The following IFT74 variants were observed in gnomAD, a reference collection of about 807,000 sequenced individuals.
IFT74 encodes the protein intraflagellar transport protein 74 homolog.
A neutral mutation model predicts 96.7 loss-of-function variants in IFT74; 92 were observed. The ratio of observed to expected loss-of-function variants is 0.95; its 90% CI spans 0.80 to 1.13. The LOEUF is 1.13. Among genes scored for constraint, IFT74 ranks in the 50% most tolerant of loss-of-function variants. The pLI, the probability that IFT74 is intolerant of heterozygous loss-of-function variation, is 0.00. For synonymous variants in IFT74, 223 were observed against 213.2 expected (o/e 1.05, Z -0.40); for missense variants, 811 against 698.2 (o/e 1.16, Z -1.82).
chr9:26,957,661 A>C (rs1238978349), intron 1 of IFT74, among the ~76,000 whole-genome samples: 1 of 152,214 alleles, frequency 6.6e-6, no homozygotes, highest in Admixed American at 6.5e-5. Context: ...TGGAGTTATA[A>C]AGATGCATGA....
At chr9:27,053,981 T>A (rs1820047458) in intron 16 of IFT74, among the ~76,000 whole-genome samples, 1 of 152,222 alleles carries the variant, frequency 6.6e-6, no homozygotes, top group Non-Finnish European at 1.5e-5. Flanking sequence ...ATATACATAT[T>A]TGTATTTACG....
chr9:27,007,653 A>C (rs1431365713), intron 8 of IFT74, among the ~76,000 whole-genome samples: 3 of 152,164 alleles, frequency 2.0e-5, no homozygotes, highest in Admixed American at 6.5e-5. Context: ...TTCTGAGTTT[A>C]GGTTGTTTAT....
chr9:26,947,712 A>G (rs1055349542), intron 1 of IFT74, among the ~76,000 whole-genome samples: 5 of 152,210 alleles, frequency 3.3e-5, no homozygotes, highest in Admixed American at 1.3e-4. Flanking sequence ...CAAATTGGGA[A>G]CTATTAATCA....
In IFT74 at chr9:26,999,553, C is replaced by CT. The variant is rs1172379172; in HGVS notation, c.587+9359dup. The CT allele has an allele frequency of 2.1e-4, 267 of 1,255,210 alleles. 2 individuals are homozygous for CT. The East Asian group carries it at 6.6e-3, about 31-fold the overall frequency. The allele number at this position is 1,255,210 out of a possible 1,614,324, so 77.8% of individuals were successfully genotyped here. A position where few individuals can be genotyped will look rare whatever the true frequency, so the allele number is the denominator to read the frequency against. ...TTTCTTATTGCCCTTTTATATTTTA[C>CT]TAAATATACAGAAAATGTACCTTTG... On this transcript the variant is annotated intron_variant, in intron 8 of 19. Transcript: ENST00000380062.
intron 6 of IFT74, among the ~76,000 whole-genome samples, chr9:26,985,048 A>C (rs920822531): frequency 1.3e-5 from 2 of 152,236 alleles, no homozygotes; most frequent in African/African-American, 4.8e-5. Flanking sequence ...AAGACATGGA[A>C]TCAACCTAAA....
At chr9:27,012,460 C>A (rs1449210654) in intron 10 of IFT74, among the ~76,000 whole-genome samples, 1 of 152,014 alleles carries the variant, frequency 6.6e-6, no homozygotes, top group African/African-American at 2.4e-5. Flanking sequence ...TCAAGCAATG[C>A]TCCTGCCTTG....
At chr9:27,046,514 G>T (rs1033953247) in intron 14 of IFT74, among the ~76,000 whole-genome samples, 1 of 152,074 alleles carries the variant, frequency 6.6e-6, no homozygotes, top group African/African-American at 2.4e-5. Context: ...CAAGTAAAAA[G>T]ATAATTTCCT....
intron 13 of IFT74, among the ~76,000 whole-genome samples, chr9:27,043,613 G>A (rs1483310789): frequency 6.6e-6 from 1 of 152,118 alleles, no homozygotes; most frequent in African/African-American, 2.4e-5. Flanking sequence ...CTTTAGACAT[G>A]CTTTTCATGT....
chr9:26,979,187 A>G (rs1276277931), intron 3 of IFT74, among the ~76,000 whole-genome samples: 2 of 151,794 alleles, frequency 1.3e-5, no homozygotes, highest in East Asian at 1.9e-4. Context: ...TTTCATCTAC[A>G]TTCTAATAAC....
intron 8 of IFT74, among the ~76,000 whole-genome samples, chr9:26,990,855 A>G (rs1158579542): frequency 6.6e-6 from 1 of 152,238 alleles, no homozygotes; most frequent in Non-Finnish European, 1.5e-5. Flanking sequence ...ATCCTGAATG[A>G]TTCAAGAATA....
chr9:27,033,649 G>A lies in IFT74; in HGVS notation c.1054+4545G>A, dbSNP rs552641420. Among the ~76,000 whole-genome samples, 18 of 150,296 alleles carry A rather than the reference G, an allele frequency of 1.2e-4. 1 individual carries two copies. In the South Asian group the frequency reaches 1.3e-3, roughly 11 times the overall value. ...ACAACCATTAGCTACCCCTATGATT[G>A]TTGTTACATAGGATTCATTGTATCC... On this transcript the variant is annotated intron_variant, in intron 13 of 19. Transcript: ENST00000380062.
chr9:27,058,373 G>C (rs1248315499), intron 18 of IFT74, among the ~76,000 whole-genome samples: 2 of 152,070 alleles, frequency 1.3e-5, no homozygotes, highest in Non-Finnish European at 2.9e-5. Flanking sequence ...ACAGGCATGA[G>C]CCACTGTGCT....
chr9:26,968,418 C>T (rs538584535), intron 2 of IFT74, among the ~76,000 whole-genome samples: 12 of 152,170 alleles, frequency 7.9e-5, no homozygotes, highest in South Asian at 6.2e-4. Flanking sequence ...TGTGCTACCA[C>T]GTCTGGCTAA....
Position 26,999,611 on chromosome 9 carries a change from T to TA in IFT74, c.588-9408dup, listed in dbSNP as rs1828365010. ...TTTTACTATTTTGATTGTAAAAACT[T>TA]ACTCTTTTAGAAGACTGGATTTTGT... On this transcript the variant is annotated intron_variant, in intron 8 of 19. Transcript: ENST00000380062. The TA allele has an allele frequency of 2.5e-6, 4 of 1,577,400 alleles. No individual in the cohort carries two copies. The East Asian group carries it at 6.7e-5, about 27-fold the overall frequency.
At chr9:27,013,778 G>A (rs1829220637) in intron 10 of IFT74, among the ~76,000 whole-genome samples, 1 of 151,974 alleles carries the variant, frequency 6.6e-6, no homozygotes, top group Non-Finnish European at 1.5e-5. Flanking sequence ...GATTTCCTGT[G>A]GATTCAGGTA....
At chr9:27,049,082 C>T (rs1819816619) in intron 16 of IFT74, among the ~76,000 whole-genome samples, 1 of 152,140 alleles carries the variant, frequency 6.6e-6, no homozygotes, top group African/African-American at 2.4e-5. Flanking sequence ...CCTTCTCTCT[C>T]TTGCCTTGTA....
chr9:27,000,374 T>C (rs1332588484), intron 8 of IFT74, among the ~76,000 whole-genome samples: 1 of 152,228 alleles, frequency 6.6e-6, no homozygotes, highest in Non-Finnish European at 1.5e-5. Flanking sequence ...TATATGCTTA[T>C]ATTGATGGTC....
At chr9:26,988,857 C>T in intron 7 of IFT74, 129 bp downstream of exon 7, 1 of 867,392 alleles carries the variant, frequency 1.2e-6, no homozygotes, top group Non-Finnish European at 1.6e-6. Flanking sequence ...ATTGTAAATA[C>T]CACTATTAGG....
intron 9 of IFT74, 62 bp from the exon 10 acceptor site, chr9:27,011,844 C>T (rs946079904): frequency 1.9e-6 from 2 of 1,070,890 alleles, no homozygotes; most frequent in South Asian, 1.9e-5. Context: ...TCCCTCCCCC[C>T]ACTACAACAA....
Sources: allele counts gnomAD v4.1 joint callset (sites outside exome capture counted in the v4.1 genomes callset), GRCh38; gene constraint gnomAD v4.1.1; transcripts MANE v1.5; gene names NCBI Gene and HGNC (gene_info 2026-07-23, HGNC 2026-07-21).